Variants in DACH2 observed in about 807,000 individuals in gnomAD.
The protein encoded by DACH2 is dachshund homolog 2.
Under a neutral mutation model 35.8 loss-of-function variants are expected in DACH2, and 17 were observed. That is an observed-to-expected ratio of 0.48 (90% CI 0.33 to 0.71). The LOEUF (loss-of-function observed/expected upper bound fraction) is 0.71. DACH2 is among the 30% of genes least tolerant of loss of function. The pLI is 0.02. For missense variants in DACH2, 469 were observed against 472.7 expected (o/e 0.99, Z 0.07); for synonymous variants, 195 against 177.3 (o/e 1.10, Z -0.79).
chrX:86,532,580 GCCT>G (rs892855248), intron 3 of DACH2, among the ~76,000 whole-genome samples: 2 of 109,594 alleles, frequency 1.8e-5, no homozygotes, highest in Non-Finnish European at 3.8e-5. Context: ...GTTTCCTGAG[GCCT>G]CCTCAGCCAT....
chrX:86,671,644 A>G (rs1301561431), intron 4 of DACH2, among the ~76,000 whole-genome samples: 1 of 111,496 alleles, frequency 9.0e-6, no homozygotes, highest in African/African-American at 3.3e-5. Context: ...CCACACCCAG[A>G]CTTACTGTAC....
chrX:86,169,170 T>C (rs1428070386), intron 1 of DACH2, among the ~76,000 whole-genome samples: 1 of 111,879 alleles, frequency 8.9e-6, no homozygotes, highest in African/African-American at 3.2e-5. Context: ...TTACTGGATA[T>C]ACTATTCTAT....
intron 2 of DACH2, among the ~76,000 whole-genome samples, chrX:86,431,961 G>C (rs2036991678): frequency 8.9e-6 from 1 of 111,965 alleles, no homozygotes; most frequent in Non-Finnish European, 1.9e-5. Context: ...CATATTGTTA[G>C]AGTTTTTACA....
At chrX:86,640,899 C>T (rs1184221400) in intron 3 of DACH2, among the ~76,000 whole-genome samples, 1 of 112,024 alleles carries the variant, frequency 8.9e-6, no homozygotes, top group East Asian at 2.8e-4. Context: ...CAAATAAAGA[C>T]TCTACACAAA....
chrX:86,294,221 C>T (rs1427718669), intron 1 of DACH2, among the ~76,000 whole-genome samples: 1 of 111,762 alleles, frequency 8.9e-6, no homozygotes, highest in African/African-American at 3.3e-5. Flanking sequence ...TGCATCGGCT[C>T]CTGAGGCTTC....
At chrX:86,159,827 A>G (rs1295922055) in intron 1 of DACH2, among the ~76,000 whole-genome samples, 2 of 111,720 alleles carry the variant, frequency 1.8e-5, no homozygotes, top group African/African-American at 6.5e-5. Context: ...AAATTAAAAT[A>G]ACATTGATTT....
chrX:86,159,325 AT>A (rs1167520672), intron 1 of DACH2, among the ~76,000 whole-genome samples: 2 of 111,692 alleles, frequency 1.8e-5, no homozygotes, highest in Non-Finnish European at 3.8e-5. Flanking sequence ...TTAAATGTAA[AT>A]AACTTTACAA....
chrX:86,430,791 A>T (rs748240174), intron 2 of DACH2, among the ~76,000 whole-genome samples: 121 of 112,424 alleles, frequency 1.1e-3, no homozygotes, highest in African/African-American at 3.7e-3. Context: ...TACACAAAAG[A>T]TGCAGTGTGC....
intron 1 of DACH2, among the ~76,000 whole-genome samples, chrX:86,321,864 C>T (rs2035022022): frequency 8.9e-6 from 1 of 111,906 alleles, no homozygotes; most frequent in Admixed American, 9.5e-5. Context: ...CTTTATTTGT[C>T]TAAAGTCTTG....
intron 1 of DACH2, among the ~76,000 whole-genome samples, chrX:86,358,272 T>C (rs2035675257): frequency 8.9e-6 from 1 of 112,051 alleles, no homozygotes; most frequent in Non-Finnish European, 1.9e-5. Context: ...AGTTTAGATC[T>C]GTATTCTAGC....
intron 2 of DACH2, among the ~76,000 whole-genome samples, chrX:86,485,178 A>G (rs1462931038): frequency 2.7e-5 from 3 of 111,960 alleles, no homozygotes; most frequent in South Asian, 7.2e-4. Context: ...TTCCTCTTTA[A>G]TCTTTCTATG....
intron 1 of DACH2, among the ~76,000 whole-genome samples, chrX:86,346,596 T>G (rs2148066769): frequency 8.9e-6 from 1 of 112,013 alleles, no homozygotes; most frequent in Non-Finnish European, 1.9e-5. Flanking sequence ...GCATGCTATC[T>G]GTATACTACA....
In DACH2 at chrX:86,720,154, G is replaced by T. The variant is rs181767154; in HGVS notation, c.1104+5434G>T. Among the ~76,000 whole-genome samples the T allele has an allele frequency of 5.3e-3, 578 of 108,433 alleles. 8 individuals carry two copies. The highest frequency in any genetic ancestry group is 0.018 in the African/African-American group (544 of 29,703). The allele number at this position is 108,433 out of a possible 115,157, so 94.2% of individuals were successfully genotyped here. ...GGGTTTCACTGTGTTAGCCAGGATTGTCTTGATCTCCTGACCTTGTGATCC... is the reference window on the plus strand; with the variant it reads ...GGGTTTCACTGTGTTAGCCAGGATTTTCTTGATCTCCTGACCTTGTGATCC... On this transcript the variant is annotated intron_variant, in intron 6 of 11. Coordinates refer to ENST00000373125, the MANE Select transcript of DACH2 (RefSeq NM_053281.3).
intron 1 of DACH2, among the ~76,000 whole-genome samples, chrX:86,330,844 T>C (rs1356239052): frequency 9.0e-6 from 1 of 111,553 alleles, no homozygotes; most frequent in Non-Finnish European, 1.9e-5. Context: ...TATTTTCCCA[T>C]GAGGTGGATA....
chrX:86,804,796 A>T (rs1435966828), intron 7 of DACH2, among the ~76,000 whole-genome samples: 1 of 112,600 alleles, frequency 8.9e-6, no homozygotes, highest in Admixed American at 9.3e-5. Flanking sequence ...TAAATCTTAA[A>T]GCTCCAAAAG....
intron 10 of DACH2, among the ~76,000 whole-genome samples, chrX:86,815,615 ATT>A (rs1264893787): frequency 9.4e-6 from 1 of 105,837 alleles, no homozygotes; most frequent in Non-Finnish European, 1.9e-5. Flanking sequence ...ATATACACAT[ATT>A]TATATATATA....
At chrX:86,535,646 G>A (rs1569431798) in intron 3 of DACH2, among the ~76,000 whole-genome samples, 1 of 110,629 alleles carries the variant, frequency 9.0e-6, no homozygotes. Context: ...TCTTGCCTTA[G>A]CCACGCCAAA....
intron 1 of DACH2, among the ~76,000 whole-genome samples, chrX:86,346,938 T>C (rs1259492697): frequency 8.9e-6 from 1 of 112,097 alleles, no homozygotes; most frequent in Non-Finnish European, 1.9e-5. Flanking sequence ...TTTTATGCTC[T>C]AAAAGTTTAG....
intron 3 of DACH2, among the ~76,000 whole-genome samples, chrX:86,539,674 A>G (rs1013129845): frequency 1.4e-4 from 16 of 111,877 alleles, no homozygotes; most frequent in Non-Finnish European, 2.6e-4. Flanking sequence ...AATGAATGCT[A>G]TACAACAAGC....
Sources: gnomAD v4.1 joint callset for allele counts (sites outside exome capture counted in the v4.1 genomes callset) on GRCh38, gnomAD v4.1.1 for gene constraint, MANE v1.5 for transcripts, NCBI Gene and HGNC (gene_info 2026-07-23, HGNC 2026-07-21) for gene names.